The following AGAP6 variants were observed in gnomAD, a reference collection of about 807,000 sequenced individuals.
The protein encoded by AGAP6 is arf-GAP with GTPase, ANK repeat and PH domain-containing protein 6.
In AGAP6, 29 loss-of-function variants were observed where a neutral mutation model predicts 63.9. The observed-to-expected ratio is 0.45, with a 90% CI of 0.34 to 0.62. The LOEUF (loss-of-function observed/expected upper bound fraction) is 0.62, where lower values mean the gene tolerates loss of function less well. AGAP6 is among the 20% of genes least tolerant of loss of function. AGAP6 has a pLI of 0.01. For missense variants in AGAP6, 493 were observed against 884.9 expected (o/e 0.56, Z 5.62); for synonymous variants, 199 against 332.9 (o/e 0.60, Z 4.38).
chr10:50,007,477 C>T (rs1167589637), intron 6 of AGAP6, among the ~76,000 whole-genome samples: 2 of 123,532 alleles, frequency 1.6e-5, no homozygotes, highest in African/African-American at 5.9e-5. Flanking sequence ...GAGAGGTCCA[C>T]ACAGCACATT....
At chr10:49,993,351 G>A (rs1268350997) in intron 3 of AGAP6, among the ~76,000 whole-genome samples, 30 of 152,100 alleles carry the variant, frequency 2.0e-4, no homozygotes, top group Non-Finnish European at 3.2e-4. Flanking sequence ...AGTGGTAGGA[G>A]CTTTTGCCTA....
At chr10:49,999,511 T>A in intron 4 of AGAP6, among the ~76,000 whole-genome samples, 1 of 133,128 alleles carries the variant, frequency 7.5e-6, no homozygotes, top group African/African-American at 2.9e-5. Flanking sequence ...AACATAATAC[T>A]GAAAGGGGGA....
At position 49,993,479 on chromosome 10, in the gene AGAP6, T is replaced by A. The variant is rs1173157999; in HGVS notation, c.362-916T>A. ...TAGAGGAAAAAAAAATGATTTTTTGTGCTGCAGACACCATGTCCAATTAGG... is the reference window on the plus strand; with the variant it reads ...TAGAGGAAAAAAAAATGATTTTTTGAGCTGCAGACACCATGTCCAATTAGG... On this transcript the variant is annotated intron_variant, in intron 3 of 7. Transcript: ENST00000412531. Among the ~76,000 whole-genome samples the A allele has an allele frequency of 6.6e-5, 10 of 152,140 alleles. 1 individual carries two copies. Among genetic ancestry groups the A allele is most frequent in the Admixed American group, 5.9e-4 (9 of 15,282 alleles).
At chr10:49,996,400 A>G (rs1841488944) in intron 4 of AGAP6, among the ~76,000 whole-genome samples, 1 of 152,106 alleles carries the variant, frequency 6.6e-6, no homozygotes, top group Non-Finnish European at 1.5e-5. Flanking sequence ...CATCAGTGTG[A>G]GGCCTTAGAA....
At chr10:50,004,062 G>A (rs1841810589) in intron 5 of AGAP6, among the ~76,000 whole-genome samples, 2 of 152,154 alleles carry the variant, frequency 1.3e-5, no homozygotes, top group Admixed American at 1.3e-4. Context: ...GCACATGCCT[G>A]TAATCCCAGC....
rs1842005654 is a variant in AGAP6, at chr10:50,008,742, A to G, written c.617A>G (p.Asn206Ser). 5 of 1,614,068 alleles carry G rather than the reference A, an allele frequency of 3.1e-6. No individual in the cohort carries two copies. In the South Asian group the frequency reaches 5.5e-5, roughly 18 times the overall value. Residue 206 changes from asparagine to serine, a missense_variant, in exon 8 of 8, where the codon AAT (asparagine) becomes AGT (serine). Transcript: ENST00000412531. ...ACCGTGCACATTATGAAGAAAAGAA[A>G]TGGAGGTGGGAGTTTAAATAACTAT... ...VSTVHIMKKR[N>S]GGGSLNNYSS...
rs370519901 is a variant in AGAP6 at position 49,990,314 on chromosome 10, G to T, written c.292+938G>T. On this transcript the variant is annotated intron_variant, in intron 2 of 7. Coordinates refer to ENST00000412531, the MANE Select transcript of AGAP6 (RefSeq NM_001077665.3). ...ACAAAAATTAGCTGGGCGTAGTGGCGCATGACTGTAGTTCCAGCTACTCAC... is the reference window on the plus strand; with the variant it reads ...ACAAAAATTAGCTGGGCGTAGTGGCTCATGACTGTAGTTCCAGCTACTCAC... 3.3e-5 allele frequency among the ~76,000 whole-genome samples: 5 copies of T among 152,152 alleles called. No homozygotes were observed. In the East Asian group the frequency reaches 9.7e-4, roughly 29 times the overall value.
intron 4 of AGAP6, among the ~76,000 whole-genome samples, chr10:49,994,892 G>A (rs1428692911): frequency 1.3e-5 from 2 of 150,954 alleles, no homozygotes; most frequent in East Asian, 1.9e-4. Context: ...AACCCAGGAG[G>A]CGGAGGTTGC....
At chr10:49,992,294 A>G (rs1314184239) in intron 3 of AGAP6, among the ~76,000 whole-genome samples, 1 of 152,110 alleles carries the variant, frequency 6.6e-6, no homozygotes, top group Non-Finnish European at 1.5e-5. Context: ...ATGTAATGTA[A>G]ATTTAAACAT....
At chr10:49,989,273 T>A in intron 1 of AGAP6, 35 bp from the exon 2 acceptor site, 1 of 1,595,912 alleles carries the variant, frequency 6.3e-7, no homozygotes. Flanking sequence ...TATAAATGAT[T>A]ACATCCTTTT....
intron 2 of AGAP6, among the ~76,000 whole-genome samples, chr10:49,991,266 A>G (rs1356746332): frequency 2.0e-5 from 3 of 152,150 alleles, no homozygotes; most frequent in South Asian, 2.1e-4. Context: ...TAAAAACTCT[A>G]GAATACATCT....
At chr10:49,992,544 T>A (rs1216184888) in intron 3 of AGAP6, among the ~76,000 whole-genome samples, 1 of 152,210 alleles carries the variant, frequency 6.6e-6, no homozygotes, top group Non-Finnish European at 1.5e-5. Context: ...TTGTCTTCAT[T>A]TTTTACATTA....
intron 6 of AGAP6, among the ~76,000 whole-genome samples, chr10:50,006,869 C>G (rs200167592): frequency 2.2e-5 from 3 of 137,518 alleles, no homozygotes; most frequent in African/African-American, 5.0e-5. Flanking sequence ...GACGTTCTTA[C>G]GAAATTCAGG....
Position 50,008,748 on chromosome 10 carries a change from G to A in AGAP6, c.623G>A (p.Gly208Asp). 1 of 1,614,156 alleles carries A rather than the reference G, an allele frequency of 6.2e-7. No individual in the cohort carries two copies. The highest frequency in any genetic ancestry group is 8.5e-7 in the Non-Finnish European group (1 of 1,180,014). The change falls in exon 8 of 8, where the codon GGT (glycine) becomes GAT (aspartate). Residue 208 changes from glycine to aspartate, a missense_variant. By Grantham distance (94) the Gly-to-Asp change is moderately conservative. This residue lies in a region of AGAP6 where 342 missense variants were observed against 533.4 expected (regional missense o/e 0.64). Coordinates refer to ENST00000412531, the MANE Select transcript of AGAP6 (RefSeq NM_001077665.3). Reference sequence around the variant, plus strand: ...CACATTATGAAGAAAAGAAATGGAGGTGGGAGTTTAAATAACTATTCCTCC... The same window carrying A: ...CACATTATGAAGAAAAGAAATGGAGATGGGAGTTTAAATAACTATTCCTCC... ...TVHIMKKRNG[G>D]GSLNNYSSSI...
Position 50,008,062 on chromosome 10 carries a change from T to C in AGAP6, c.571T>C (p.Leu191=). 1 of 1,611,978 alleles carries C rather than the reference T, an allele frequency of 6.2e-7. No individual in the cohort carries two copies. ...AACTTTGAGCATACCTGATGAACAGTTACACTCATTTGCGGTAAGTGGCAC... is the reference window on the plus strand; with the variant it reads ...AACTTTGAGCATACCTGATGAACAGCTACACTCATTTGCGGTAAGTGGCAC... ...DRTLSIPDEQ[L]HSFAVSTVHI... Residue 191 remains leucine, a synonymous_variant, in exon 7 of 8, where the codon TTA becomes CTA. Coordinates refer to ENST00000412531, the MANE Select transcript of AGAP6 (RefSeq NM_001077665.3).
intron 4 of AGAP6, 72 bp from the exon 5 acceptor site, chr10:50,001,924 T>C: frequency 1.3e-6 from 2 of 1,554,834 alleles, no homozygotes; most frequent in Non-Finnish European, 1.8e-6. Flanking sequence ...CTTAGTGCTT[T>C]GTCATTTGAC....
At chr10:50,006,828 TAAC>T (rs1841928461) in intron 6 of AGAP6, among the ~76,000 whole-genome samples, 1 of 152,198 alleles carries the variant, frequency 6.6e-6, no homozygotes, top group African/African-American at 2.4e-5. Context: ...TGTCAAGATT[TAAC>T]AACATTAATT....
Position 50,008,247 on chromosome 10 carries a change from G to T in AGAP6, c.585+171G>T, listed in dbSNP as rs542138849. The stretch of plus-strand genomic sequence containing the variant: ...AAGAACTGATCTGCAGCTCTGTTTA[G>T]TTAGTGAGCTAGTATGAGTAAATAT... On this transcript the variant is annotated intron_variant, in intron 7 of 7. Transcript: ENST00000412531. Among the ~76,000 whole-genome samples the T allele has an allele frequency of 1.1e-4, 16 of 148,398 alleles. No individual in the cohort carries two copies. The South Asian group carries it at 2.8e-3, about 26-fold the overall frequency.
intron 4 of AGAP6, among the ~76,000 whole-genome samples, chr10:49,998,597 A>G (rs1348854438): frequency 7.5e-6 from 1 of 133,778 alleles, no homozygotes; most frequent in African/African-American, 2.9e-5. Flanking sequence ...TATCAGTACC[A>G]TGCTATTTTG....
Sources: gnomAD v4.1 joint callset for allele counts (sites outside exome capture counted in the v4.1 genomes callset) on GRCh38, gnomAD v4.1.1 for gene constraint, gnomAD v4.1.1 regional missense constraint, MANE v1.5 for transcripts, NCBI Gene and HGNC (gene_info 2026-07-23, HGNC 2026-07-21) for gene names.